RUNX1: variants seen among roughly 807,000 people sequenced by gnomAD.
RUNX1 encodes runt-related transcription factor 1.
A neutral mutation model predicts 42.8 loss-of-function variants in RUNX1; 19 were observed. That is an observed-to-expected ratio of 0.44 (90% CI 0.31 to 0.65). The LOEUF is 0.65. RUNX1 is among the 30% of genes least tolerant of loss of function. RUNX1 has a pLI of 0.07. For synonymous variants in RUNX1, 271 were observed against 289.4 expected, an observed-to-expected ratio of 0.94 and a Z score of 0.64; for missense variants, 528 against 672.0, an observed-to-expected ratio of 0.79 and a Z score of 2.37.
At chr21:34,840,210 A>G (rs1474949238) in intron 6 of RUNX1, among the ~76,000 whole-genome samples, 2 of 152,198 alleles carry the variant, frequency 1.3e-5, no homozygotes, top group African/African-American at 2.4e-5. Flanking sequence ...GAAGGGTTAC[A>G]TGGAACCTTT....
chr21:34,864,996 T>C (rs979395383), intron 5 of RUNX1, among the ~76,000 whole-genome samples: 1 of 152,106 alleles, frequency 6.6e-6, no homozygotes, highest in East Asian at 1.9e-4. Flanking sequence ...TTGCTAGCTG[T>C]GTGACCTCAG....
rs754720332 is a variant in RUNX1 at position 34,901,381 on chromosome 21, C to T, written c.59-8418G>A. Among the ~76,000 whole-genome samples, 106 of 152,024 alleles carry T rather than the reference C, an allele frequency of 7.0e-4. No individual in the cohort carries two copies. In the Middle Eastern group the frequency reaches 0.037, roughly 54 times the overall value. On this transcript the variant is annotated intron_variant, in intron 2 of 8. Coordinates refer to ENST00000675419, the MANE Select transcript of RUNX1 (RefSeq NM_001754.5). The surrounding 1 kb of genome is among the most constrained non-coding windows in gnomAD (Gnocchi z 4.3). ...AAAAAGTAGCTGGGCGTGGTGGCGG[C>T]GCGTGCCTGTAGTCCCAGCTACTCG...
intron 2 of RUNX1, among the ~76,000 whole-genome samples, chr21:34,893,713 A>C (rs1458796514): frequency 6.6e-6 from 1 of 151,872 alleles, no homozygotes; most frequent in Non-Finnish European, 1.5e-5. Context: ...GGATTTGAGC[A>C]TTTCAAATGC....
intron 2 of RUNX1, among the ~76,000 whole-genome samples, chr21:34,899,610 G>A (rs2058161613): frequency 6.6e-6 from 1 of 152,148 alleles, no homozygotes; most frequent in Non-Finnish European, 1.5e-5. Flanking sequence ...TCTTCTATCA[G>A]GCCTCACAAG....
chr21:34,894,531 A>T (rs1300133459), intron 2 of RUNX1, among the ~76,000 whole-genome samples: 1 of 152,080 alleles, frequency 6.6e-6, no homozygotes, highest in Non-Finnish European at 1.5e-5. Context: ...GCCCAGGTGA[A>T]GTAGCACCTG....
chr21:34,966,542 A>AC (rs755344045), intron 2 of RUNX1, among the ~76,000 whole-genome samples: 46 of 151,944 alleles, frequency 3.0e-4, no homozygotes, highest in Middle Eastern at 3.4e-3. Context: ...CCCAACCCAC[A>AC]CCCCCTCATT....
chr21:34,886,235 TG>T (rs926280581), intron 4 of RUNX1, among the ~76,000 whole-genome samples: 14 of 152,198 alleles, frequency 9.2e-5, no homozygotes, highest in African/African-American at 3.1e-4. Flanking sequence ...TTGCGGCTTC[TG>T]GCAGGAGCAG....
intron 2 of RUNX1, among the ~76,000 whole-genome samples, chr21:34,961,830 G>A (rs1390581317): frequency 6.6e-6 from 1 of 152,126 alleles, no homozygotes; most frequent in Non-Finnish European, 1.5e-5. Flanking sequence ...CTGAATTAGT[G>A]TGCTTCTGTC....
chr21:34,846,305 T>C (rs889741396), intron 6 of RUNX1, among the ~76,000 whole-genome samples: 1 of 151,102 alleles, frequency 6.6e-6, no homozygotes, highest in Non-Finnish European at 1.5e-5. Context: ...ATTCATCTCT[T>C]TCCCCGGCCT....
At chr21:34,994,334 C>G (rs576375770) in intron 2 of RUNX1, among the ~76,000 whole-genome samples, 1 of 151,858 alleles carries the variant, frequency 6.6e-6, no homozygotes, top group African/African-American at 2.4e-5. Flanking sequence ...TGTGTAAGAC[C>G]TGGTATTTGA....
intron 5 of RUNX1, among the ~76,000 whole-genome samples, chr21:34,865,395 C>G (rs1032143717): frequency 1.1e-4 from 16 of 151,914 alleles, no homozygotes; most frequent in African/African-American, 3.9e-4. Flanking sequence ...CACTCCTGCC[C>G]CGCCAGCTGG....
intron 2 of RUNX1, among the ~76,000 whole-genome samples, chr21:34,936,740 C>T (rs1400657620): frequency 6.6e-6 from 1 of 152,164 alleles, no homozygotes; most frequent in African/African-American, 2.4e-5. Flanking sequence ...TAATTGCCGG[C>T]TGGAGTGGAA....
chr21:34,925,656 G>A (rs1271807869), intron 2 of RUNX1, among the ~76,000 whole-genome samples: 2 of 152,168 alleles, frequency 1.3e-5, no homozygotes, highest in African/African-American at 4.8e-5. Flanking sequence ...CTAAAGTTTT[G>A]AGGCAATAAA....
At chr21:34,888,051 T>C in intron 3 of RUNX1, 1 of 1,066,316 alleles carries the variant, frequency 9.4e-7, no homozygotes, top group Non-Finnish European at 1.1e-6. Flanking sequence ...GCTGGTCCTC[T>C]GGTTTGTTGG....
intron 5 of RUNX1, among the ~76,000 whole-genome samples, chr21:34,861,608 C>A (rs7280216): frequency 6.6e-6 from 1 of 151,966 alleles, no homozygotes; most frequent in Non-Finnish European, 1.5e-5. Context: ...CACTCACCCC[C>A]TCTCCTCCGC....
At chr21:34,988,830 G>T (rs1237627088) in intron 2 of RUNX1, among the ~76,000 whole-genome samples, 1 of 152,160 alleles carries the variant, frequency 6.6e-6, no homozygotes, top group Non-Finnish European at 1.5e-5. Flanking sequence ...CCTGTCAACA[G>T]TTGGTGGATT....
intron 7 of RUNX1, chr21:34,833,326 C>T (rs563658463): frequency 6.6e-6 from 1 of 152,124 alleles, no homozygotes; most frequent in African/African-American, 2.4e-5. Flanking sequence ...GGATGGTCTC[C>T]ATCTCCTGAC....
At chr21:34,889,570 C>G in intron 3 of RUNX1, 1 of 747,800 alleles carries the variant, frequency 1.3e-6, no homozygotes, top group Non-Finnish European at 1.7e-6. Context: ...CCCGCAGCAG[C>G]CGGACAGCCT....
intron 2 of RUNX1, among the ~76,000 whole-genome samples, chr21:34,896,430 C>T (rs1376140857): frequency 6.6e-6 from 1 of 152,162 alleles, no homozygotes; most frequent in Non-Finnish European, 1.5e-5. Context: ...CGCCTGTAAT[C>T]CCAGCACTTT....
Sources: allele counts gnomAD v4.1 joint callset (sites outside exome capture counted in the v4.1 genomes callset), GRCh38; gene constraint gnomAD v4.1.1; non-coding constraint Gnocchi (gnomAD v3.1); transcripts MANE v1.5; gene names NCBI Gene and HGNC (gene_info 2026-07-23, HGNC 2026-07-21).